AXDND1: variants seen among roughly 807,000 people sequenced by gnomAD.
AXDND1 encodes axonemal dynein light chain domain containing 1.
Under a neutral mutation model 137.5 loss-of-function variants are expected in AXDND1, and 110 were observed. The ratio of observed to expected loss-of-function variants is 0.80; its 90% CI spans 0.69 to 0.94. AXDND1 has a LOEUF of 0.94. Among genes scored for constraint, AXDND1 ranks in the 40% least tolerant of loss-of-function variants. The pLI is 0.00. For synonymous variants in AXDND1, 414 were observed against 399.7 expected, an observed-to-expected ratio of 1.04 and a Z score of -0.43; for missense variants, 1,191 against 1,169.8, an observed-to-expected ratio of 1.02 and a Z score of -0.26.
intron 16 of AXDND1, among the ~76,000 whole-genome samples, chr1:179,460,951 G>T (rs1571932638): frequency 6.6e-6 from 1 of 152,106 alleles, no homozygotes; most frequent in East Asian, 1.9e-4. Context: ...CTGAATATTA[G>T]CCCTTTGTCA....
chr1:179,369,879 T>G (rs1178112943), intron 3 of AXDND1, 96 bp from the exon 4 acceptor site: 5 of 857,486 alleles, frequency 5.8e-6, no homozygotes, highest in Middle Eastern at 2.3e-4. Context: ...CCAAGTGCCC[T>G]TAATGTAAAT....
intron 20 of AXDND1, among the ~76,000 whole-genome samples, chr1:179,508,252 C>T (rs1668709346): frequency 6.6e-6 from 1 of 151,468 alleles, no homozygotes; most frequent in Non-Finnish European, 1.5e-5. Flanking sequence ...GGGAGGATCA[C>T]TTGAGCTTAG....
intron 21 of AXDND1, among the ~76,000 whole-genome samples, chr1:179,523,080 C>T (rs759326298): frequency 3.3e-5 from 5 of 151,820 alleles, no homozygotes; most frequent in Admixed American, 6.6e-5. Context: ...CTCCTTCTTT[C>T]TTCTCTTTTG....
At chr1:179,491,054 T>A (rs1051528741) in intron 18 of AXDND1, among the ~76,000 whole-genome samples, 3 of 152,200 alleles carry the variant, frequency 2.0e-5, no homozygotes, top group Admixed American at 6.5e-5. Context: ...GCTGGGCGTG[T>A]GGTTCACGCC....
rs539590563 is a variant in AXDND1, at chr1:179,554,690, T to C, written c.*171T>C. The C allele has an allele frequency of 1.1e-6, 1 of 947,944 alleles. No individual in the cohort carries two copies. Among genetic ancestry groups the C allele is most frequent in the Admixed American group, 2.1e-5 (1 of 48,370 alleles). The allele number at this position is 947,944 out of a possible 1,614,324, so 58.7% of individuals were successfully genotyped here. On this transcript the variant is annotated 3_prime_UTR_variant, in exon 26 of 26. Coordinates refer to ENST00000367618, the MANE Select transcript of AXDND1 (RefSeq NM_144696.6). ...AACTTCACAGTGCCTTGCAAAGAGT[T>C]GTTTAACTTGCATGGTGCCACCCAA...
chr1:179,386,213 G>A (rs1242184067), intron 9 of AXDND1, among the ~76,000 whole-genome samples: 10 of 151,704 alleles, frequency 6.6e-5, no homozygotes, highest in South Asian at 2.1e-4. Context: ...CACCACGCCC[G>A]GCTAATTTTG....
At chr1:179,413,115 A>G (rs1654145169) in intron 12 of AXDND1, among the ~76,000 whole-genome samples, 1 of 152,230 alleles carries the variant, frequency 6.6e-6, no homozygotes, top group South Asian at 2.1e-4. Flanking sequence ...GATATACAAA[A>G]AAAACAAATC....
At chr1:179,493,960 AAT>A (rs1491450765) in intron 20 of AXDND1, among the ~76,000 whole-genome samples, 1 of 151,950 alleles carries the variant, frequency 6.6e-6, no homozygotes, top group East Asian at 1.9e-4. Context: ...GTCTTTTTAA[AAT>A]TTTTTTTGAG....
rs757431701 is a variant in AXDND1 at position 179,552,712 on chromosome 1, G to A, written c.3032-1800G>A. The A allele has an allele frequency of 3.2e-6, 5 of 1,567,402 alleles. No homozygotes were observed. The South Asian group carries it at 4.5e-5, about 14-fold the overall frequency. On this transcript the variant is annotated intron_variant, in intron 25 of 25. Transcript: ENST00000367618. Reference sequence around the variant, plus strand: ...AAAGAAAGAATGCAGGTATGTAGGTGTGCAGCCATGATTTAGGGGCCAAAG... The same window carrying A: ...AAAGAAAGAATGCAGGTATGTAGGTATGCAGCCATGATTTAGGGGCCAAAG...
intron 16 of AXDND1, among the ~76,000 whole-genome samples, chr1:179,460,132 T>G (rs1448533202): frequency 3.3e-5 from 5 of 151,850 alleles, no homozygotes; most frequent in Non-Finnish European, 5.9e-5. Flanking sequence ...CATGTTGGTG[T>G]GCTGCACCCA....
At chr1:179,509,957 A>G (rs549131529) in intron 21 of AXDND1, among the ~76,000 whole-genome samples, 1 of 152,306 alleles carries the variant, frequency 6.6e-6, no homozygotes, top group South Asian at 2.1e-4. Flanking sequence ...TTAAAACTCT[A>G]GAACTACTAT....
At chr1:179,498,528 A>G (rs1371247745) in intron 20 of AXDND1, among the ~76,000 whole-genome samples, 1 of 152,182 alleles carries the variant, frequency 6.6e-6, no homozygotes, top group African/African-American at 2.4e-5. Context: ...GACCTTGGCA[A>G]ATAATTTTTG....
chr1:179,398,444 G>A (rs1651409397), intron 11 of AXDND1, among the ~76,000 whole-genome samples: 1 of 152,310 alleles, frequency 6.6e-6, no homozygotes, highest in South Asian at 2.1e-4. Flanking sequence ...TAGTGCTGTG[G>A]CAGTGGGATC....
intron 15 of AXDND1, among the ~76,000 whole-genome samples, chr1:179,440,456 C>G (rs4454499): frequency 0.29 from 44,696 of 152,150 alleles, 6,785 homozygotes; most frequent in Non-Finnish European, 0.31. Context: ...ATCCATTTGC[C>G]AAATTTCATT....
chr1:179,503,528 CT>C (rs910663713), intron 20 of AXDND1, among the ~76,000 whole-genome samples: 1 of 151,106 alleles, frequency 6.6e-6, no homozygotes, highest in African/African-American at 2.4e-5. Context: ...TTTTTTCAGA[CT>C]TTTTTTTAAT....
At chr1:179,463,901 G>A (rs1260100962) in intron 16 of AXDND1, among the ~76,000 whole-genome samples, 1 of 152,032 alleles carries the variant, frequency 6.6e-6, no homozygotes, top group Admixed American at 6.5e-5. Context: ...TTTGATCTTT[G>A]TTGGTTTAAA....
chr1:179,488,998 G>A (rs1333948270), intron 18 of AXDND1, among the ~76,000 whole-genome samples: 1 of 147,402 alleles, frequency 6.8e-6, no homozygotes, highest in Non-Finnish European at 1.5e-5. Flanking sequence ...CTCCCAAAGT[G>A]CTGGGATTAC....
At chr1:179,525,731 C>T (rs562738935) in intron 22 of AXDND1, among the ~76,000 whole-genome samples, 44 of 151,972 alleles carry the variant, frequency 2.9e-4, no homozygotes, top group Non-Finnish European at 5.0e-4. Context: ...TGGTCTCAAG[C>T]GATCCTCTTA....
At chr1:179,480,736 C>G (rs1276771106) in intron 17 of AXDND1, among the ~76,000 whole-genome samples, 1 of 151,820 alleles carries the variant, frequency 6.6e-6, no homozygotes. Context: ...CCCCCTCTTC[C>G]TTGTATTAAG....
Sources: allele counts gnomAD v4.1 joint callset (sites outside exome capture counted in the v4.1 genomes callset), GRCh38; gene constraint gnomAD v4.1.1; transcripts MANE v1.5; gene names NCBI Gene and HGNC (gene_info 2026-07-23, HGNC 2026-07-21).